PDE9A: variants seen among roughly 807,000 people sequenced by gnomAD.
PDE9A encodes the protein high affinity cGMP-specific 3',5'-cyclic phosphodiesterase 9A.
A neutral mutation model predicts 87.4 loss-of-function variants in PDE9A; 60 were observed. The ratio of observed to expected loss-of-function variants is 0.69; its 90% CI spans 0.56 to 0.85. The LOEUF (loss-of-function observed/expected upper bound fraction) is 0.85. Ranked by LOEUF, PDE9A falls within the 40% of genes least tolerant of loss-of-function variation. PDE9A has a pLI of 0.00. For missense variants in PDE9A, 665 were observed against 779.0 expected (o/e 0.85, Z 1.74); for synonymous variants, 272 against 279.4 (o/e 0.97, Z 0.27).
At position 42,704,355 on chromosome 21, in the gene PDE9A, C is replaced by T. The variant is rs2048632226; in HGVS notation, c.262+5344C>T. Among the ~76,000 whole-genome samples the T allele has an allele frequency of 6.6e-6, 1 of 151,988 alleles. No individual in the cohort carries two copies. The highest frequency in any genetic ancestry group is 2.1e-4 in the South Asian group (1 of 4,826). On this transcript the variant is annotated intron_variant, in intron 4 of 19. Coordinates refer to ENST00000291539, the MANE Select transcript of PDE9A (RefSeq NM_002606.3). The surrounding 1 kb of genome is among the most constrained non-coding windows in gnomAD (Gnocchi z 5.3). ...CGCCTCTGGGTGCGTGGGGACCCCG[C>T]TCTCCAAATAGGCCAGTGTTCCAGG...
At chr21:42,720,865 C>T (rs2050440501) in intron 4 of PDE9A, among the ~76,000 whole-genome samples, 1 of 151,840 alleles carries the variant, frequency 6.6e-6, no homozygotes, top group East Asian at 1.9e-4. Context: ...ATTAGCCCGG[C>T]GTGGTGGTGC....
At chr21:42,709,360 C>T (rs766058131) in intron 4 of PDE9A, among the ~76,000 whole-genome samples, 3 of 152,144 alleles carry the variant, frequency 2.0e-5, no homozygotes, top group East Asian at 1.9e-4. Context: ...GGGCTTAATA[C>T]CTAGGTGATG....
Position 42,774,958 on chromosome 21 carries a change from G to A in PDE9A, c.1769-322G>A, listed in dbSNP as rs182078394. On this transcript the variant is annotated intron_variant, in intron 19 of 19. Transcript: ENST00000291539. The stretch of plus-strand genomic sequence containing the variant: ...TGGCACTTTTTTTTTTCCTTCTTTT[G>A]TGAGACGGAGTCTCGCTCTGTTGCC... Among the ~76,000 whole-genome samples the A allele has an allele frequency of 1.7e-3, 211 of 126,018 alleles. 1 individual carries two copies. The highest frequency in any genetic ancestry group is 0.014 in the Middle Eastern group (3 of 208). 82.7% of individuals were successfully genotyped at this position (126,018 alleles called of 152,430 possible). A position where few individuals can be genotyped will look rare whatever the true frequency, so the allele number is the denominator to read the frequency against.
chr21:42,670,563 CACAT>C (rs1453818845), intron 1 of PDE9A, among the ~76,000 whole-genome samples: 1 of 150,262 alleles, frequency 6.7e-6, no homozygotes, highest in East Asian at 1.9e-4. Flanking sequence ...CACACATTCA[CACAT>C]ACACACACCA....
chr21:42,756,636 C>T (rs902634857), intron 10 of PDE9A: 5 of 151,554 alleles, frequency 3.3e-5, no homozygotes, highest in African/African-American at 1.2e-4. Flanking sequence ...TGGCCTGCCT[C>T]TATCCTCCGA....
chr21:42,657,547 G>C (rs894534121), intron 1 of PDE9A, among the ~76,000 whole-genome samples: 9 of 152,244 alleles, frequency 5.9e-5, no homozygotes, highest in Non-Finnish European at 1.2e-4. Flanking sequence ...CCTTTCTCTT[G>C]CCTATGGAGA....
rs867454705 is a variant in PDE9A at position 42,743,845 on chromosome 21, C to T, written c.638C>T (p.Ala213Val). ...ATTAAGAAGATGAGGGAGGAGCTGGCGGCCAGAAGCAGCAGGTAGGGTCTG... is the reference window on the plus strand; with the variant it reads ...ATTAAGAAGATGAGGGAGGAGCTGGTGGCCAGAAGCAGCAGGTAGGGTCTG... The part of the protein sequence containing the change: ...SDIKKMREEL[A>V]ARSSRTNCPC... Residue 213 changes from alanine to valine, a missense_variant, in exon 8 of 20, where the codon GCG becomes GTG. Coordinates refer to ENST00000291539, the MANE Select transcript of PDE9A (RefSeq NM_002606.3). 8 of 1,577,652 alleles carry T rather than the reference C, an allele frequency of 5.1e-6. No homozygotes were observed. The highest frequency in any genetic ancestry group is 1.2e-5 in the South Asian group (1 of 86,214).
rs34695329 is a variant in PDE9A, at chr21:42,759,382, C to CGTGTGT, written c.897+307_897+312dup. ...GTCCTAAAGCAGCGGTGTGTGGGAG[C>CGTGTGT]GTGTGTGTGTGTGTGGGAGCGTGTG... On this transcript the variant is annotated intron_variant, in intron 11 of 19. Transcript: ENST00000291539. The surrounding 1 kb of genome is among the most constrained non-coding windows in gnomAD (Gnocchi z 7.2). 1.5e-4 allele frequency among the ~76,000 whole-genome samples: 22 copies of CGTGTGT among 149,192 alleles called. No individual in the cohort carries two copies. Among genetic ancestry groups the CGTGTGT allele is most frequent in the African/African-American group, 3.7e-4 (15 of 40,308 alleles).
At chr21:42,665,971 G>A (rs945285522) in intron 1 of PDE9A, among the ~76,000 whole-genome samples, 3 of 152,204 alleles carry the variant, frequency 2.0e-5, no homozygotes, top group Non-Finnish European at 2.9e-5. Flanking sequence ...AGTGTGGACC[G>A]TGAGAAGGGA....
intron 1 of PDE9A, among the ~76,000 whole-genome samples, chr21:42,674,576 G>C (rs1280356441): frequency 6.6e-6 from 1 of 152,054 alleles, no homozygotes; most frequent in Non-Finnish European, 1.5e-5. Context: ...AACCAGGGAG[G>C]CCTCTCCCCT....
At chr21:42,749,342 G>A (rs912976279) in intron 8 of PDE9A, among the ~76,000 whole-genome samples, 2 of 152,086 alleles carry the variant, frequency 1.3e-5, no homozygotes, top group South Asian at 2.1e-4. Flanking sequence ...ACCCACCATC[G>A]TCCAAGTACA....
chr21:42,729,328 G>A (rs2051478999), intron 4 of PDE9A, among the ~76,000 whole-genome samples: 1 of 152,312 alleles, frequency 6.6e-6, no homozygotes. Flanking sequence ...TGCAGGGTCT[G>A]TAGTGATGTT....
At chr21:42,769,491 CAAGGCACGCAG>C (rs2056755029) in intron 17 of PDE9A, among the ~76,000 whole-genome samples, 5 of 9,998 alleles carry the variant, frequency 5.0e-4, no homozygotes, top group African/African-American at 8.9e-4. Flanking sequence ...CACATGCACA[CAAGGCACGCAG>C]GTACACATGC....
intron 1 of PDE9A, among the ~76,000 whole-genome samples, chr21:42,684,117 C>T (rs1026733990): frequency 9.2e-5 from 14 of 152,218 alleles, no homozygotes; most frequent in African/African-American, 3.4e-4. Context: ...GGACCCACTG[C>T]GTGGGAATCC....
At position 42,700,435 on chromosome 21, in the gene PDE9A, G is replaced by A. The variant is rs542009903; in HGVS notation, c.262+1424G>A. 6.6e-5 allele frequency among the ~76,000 whole-genome samples: 10 copies of A among 152,250 alleles called. No homozygotes were observed. In the South Asian group the frequency reaches 1.2e-3, roughly 19 times the overall value. On this transcript the variant is annotated intron_variant, in intron 4 of 19. Coordinates refer to ENST00000291539, the MANE Select transcript of PDE9A (RefSeq NM_002606.3). ...TATACAGTTAAACATATACTTAACC[G>A]TCTTCCCTAAGAGTGGATATAAGAG...
chr21:42,761,022 C>A (rs1395734028), intron 13 of PDE9A, 115 bp downstream of exon 13: 15 of 728,288 alleles, frequency 2.1e-5, no homozygotes, highest in African/African-American at 5.2e-5. Flanking sequence ...CGACGGCCTC[C>A]CAGCCCCCAA....
At chr21:42,770,617 C>T (rs13048753) in intron 17 of PDE9A, 86 bp from the exon 18 acceptor site, 70,176 of 1,020,332 alleles carry the variant, frequency 0.069, 2,851 homozygotes, top group South Asian at 0.11. Flanking sequence ...GGTTTCCGCA[C>T]GGAGCACCTG....
chr21:42,719,639 C>CA (rs35644198), intron 4 of PDE9A, among the ~76,000 whole-genome samples: 2,077 of 130,738 alleles, frequency 0.016, 28 homozygotes, highest in Non-Finnish European at 0.021. Flanking sequence ...GAGTCTGTCT[C>CA]AAAAAAAAAA....
chr21:42,711,760 C>T (rs780266402), intron 4 of PDE9A, among the ~76,000 whole-genome samples: 1 of 152,084 alleles, frequency 6.6e-6, no homozygotes, highest in African/African-American at 2.4e-5. Flanking sequence ...TAGAGACTGC[C>T]ATTCATTTTC....
Sources: gnomAD v4.1 joint callset for allele counts (sites outside exome capture counted in the v4.1 genomes callset) on GRCh38, gnomAD v4.1.1 for gene constraint, Gnocchi (gnomAD v3.1) non-coding constraint, MANE v1.5 for transcripts, NCBI Gene and HGNC (gene_info 2026-07-23, HGNC 2026-07-21) for gene names.